NBAS: variants seen among roughly 807,000 people sequenced by gnomAD.
NBAS encodes NAG/BC035112 fusion.
NBAS carries 219 observed loss-of-function variants against 302.5 expected under a neutral mutation model. The observed-to-expected ratio is 0.72, with a 90% confidence interval of 0.65 to 0.81. The LOEUF (loss-of-function observed/expected upper bound fraction) is 0.81, where lower values mean the gene tolerates loss of function less well. NBAS is among the 30% of genes least tolerant of loss of function. The pLI, the probability that NBAS is intolerant of heterozygous loss-of-function variation, is 0.00. For missense variants in NBAS, 2,932 were observed against 2,841.6 expected (o/e 1.03, Z -0.72); for synonymous variants, 1,118 against 1,021.6 (o/e 1.09, Z -1.80).
At chr2:15,001,352 T>C in the NBAS span, among the ~76,000 whole-genome samples, 45,541 of 152,040 alleles carry the variant, frequency 0.3, 8,242 homozygotes, top group Non-Finnish European at 0.42. Context: ...ATTTTATATA[T>C]ATAACAAACA....
the NBAS span, among the ~76,000 whole-genome samples, chr2:14,935,852 C>T: frequency 1.3e-5 from 2 of 152,122 alleles, no homozygotes; most frequent in East Asian, 1.9e-4. Context: ...CTTATTTCCC[C>T]AAAACTAAAG....
the NBAS span, among the ~76,000 whole-genome samples, chr2:15,105,439 A>G: frequency 6.6e-6 from 1 of 152,090 alleles, no homozygotes; most frequent in Non-Finnish European, 1.5e-5. Flanking sequence ...TATTACGAAT[A>G]AAACCAGAAT....
intron 42 of NBAS, among the ~76,000 whole-genome samples, chr2:15,286,235 C>T (rs1338107782): frequency 6.6e-6 from 1 of 152,136 alleles, no homozygotes; most frequent in Non-Finnish European, 1.5e-5. Flanking sequence ...CTTGTCATGC[C>T]GTCTGTTACC....
chr2:15,424,870 A>G (rs1677391395), intron 22 of NBAS, among the ~76,000 whole-genome samples: 1 of 152,202 alleles, frequency 6.6e-6, no homozygotes, highest in Non-Finnish European at 1.5e-5. Flanking sequence ...AAATATCCCC[A>G]GTGATTCCAA....
rs565846397 is a variant in NBAS, at chr2:15,180,122, A to G, written c.6712-1006T>C. On this transcript the variant is annotated intron_variant, in intron 50 of 51. Coordinates refer to ENST00000281513, the MANE Select transcript of NBAS (RefSeq NM_015909.4). ...CGGAGAAGAAAAACTCAAATTTACT[A>G]TATTTTCAAAATTGCTTTACATTAT... 10 of 152,340 alleles carry G rather than the reference A, an allele frequency of 6.6e-5. No homozygotes were observed. The South Asian group carries it at 1.4e-3, about 22-fold the overall frequency. 9.4% of individuals were successfully genotyped at this position (152,340 alleles called of 1,614,324 possible).
At chr2:15,007,597 GC>G in the NBAS span, among the ~76,000 whole-genome samples, 1 of 152,026 alleles carries the variant, frequency 6.6e-6, no homozygotes, top group African/African-American at 2.4e-5. Context: ...CCTGTTAATA[GC>G]TTGAGCTCTA....
At chr2:14,928,549 C>T in the NBAS span, among the ~76,000 whole-genome samples, 1 of 151,938 alleles carries the variant, frequency 6.6e-6, no homozygotes, top group Non-Finnish European at 1.5e-5. Flanking sequence ...CATTTTAATA[C>T]AAATAATAAG....
chr2:14,849,588 A>G, the NBAS span, among the ~76,000 whole-genome samples: 2 of 148,804 alleles, frequency 1.3e-5, no homozygotes, highest in African/African-American at 5.2e-5. Flanking sequence ...AATGCCACAA[A>G]GATACTCCTC....
the NBAS span, among the ~76,000 whole-genome samples, chr2:14,949,708 A>G: frequency 6.6e-6 from 1 of 152,206 alleles, no homozygotes; most frequent in Non-Finnish European, 1.5e-5. Context: ...AATGTTATTC[A>G]TACATAAAAT....
At chr2:15,399,368 A>G (rs1179935311) in intron 26 of NBAS, among the ~76,000 whole-genome samples, 1 of 152,152 alleles carries the variant, frequency 6.6e-6, no homozygotes, top group African/African-American at 2.4e-5. Flanking sequence ...TCCAGGGAAA[A>G]GCAATTTGAC....
the NBAS span, among the ~76,000 whole-genome samples, chr2:14,884,544 T>A: frequency 5.3e-5 from 8 of 152,150 alleles, no homozygotes; most frequent in Admixed American, 5.2e-4. Flanking sequence ...CCTAAAGATG[T>A]GCACACAGAG....
chr2:15,238,741 T>G, intron 44 of NBAS, 55 bp from the exon 45 acceptor site: 2 of 1,483,824 alleles, frequency 1.3e-6, no homozygotes, highest in Non-Finnish European at 1.8e-6. Flanking sequence ...CTATTGCATA[T>G]TCAGCAAGTG....
intron 12 of NBAS, among the ~76,000 whole-genome samples, chr2:15,482,082 G>T (rs998911562): frequency 2.0e-5 from 3 of 152,078 alleles, no homozygotes; most frequent in African/African-American, 7.2e-5. Flanking sequence ...TTACAAGGCT[G>T]TCCATTCTTC....
the NBAS span, among the ~76,000 whole-genome samples, chr2:14,806,495 G>T: frequency 6.6e-6 from 1 of 152,046 alleles, no homozygotes; most frequent in African/African-American, 2.4e-5. Context: ...CACTTTAAAA[G>T]AGCGATTCCA....
intron 31 of NBAS, among the ~76,000 whole-genome samples, chr2:15,369,699 C>T (rs1342578065): frequency 6.6e-6 from 1 of 152,230 alleles, no homozygotes; most frequent in Admixed American, 6.5e-5. Context: ...AATGAATGAA[C>T]ATGAAAAAGA....
Position 15,287,114 on chromosome 2 carries a change from T to C in NBAS, c.5097A>G (p.Glu1699=). Residue 1699 remains glutamate, a synonymous_variant, in exon 42 of 52, where the codon GAA becomes GAG. Coordinates refer to ENST00000281513, the MANE Select transcript of NBAS (RefSeq NM_015909.4). ...GGAACTCCAAATGGGTCATAAAAACTTCCCAGCGGGAGACACTGTAACGTT... is the reference window on the plus strand; with the variant it reads ...GGAACTCCAAATGGGTCATAAAAACCTCCCAGCGGGAGACACTGTAACGTT... ...LAQRYSVSRW[E]VFMTHLEFLF... The C allele has an allele frequency of 1.2e-6, 2 of 1,614,038 alleles. No homozygotes were observed. The highest frequency in any genetic ancestry group is 1.7e-6 in the Non-Finnish European group (2 of 1,179,904).
At chr2:15,073,226 C>T in the NBAS span, among the ~76,000 whole-genome samples, 2 of 152,176 alleles carry the variant, frequency 1.3e-5, no homozygotes, top group African/African-American at 4.8e-5. Context: ...CACCTGTAAT[C>T]CCAACACTTT....
chr2:14,832,212 T>C, the NBAS span, among the ~76,000 whole-genome samples: 2 of 152,220 alleles, frequency 1.3e-5, no homozygotes, highest in Non-Finnish European at 2.9e-5. Context: ...GTCACCCATT[T>C]AGAACTTAAA....
intron 21 of NBAS, among the ~76,000 whole-genome samples, chr2:15,459,275 G>A (rs774686917): frequency 1.2e-4 from 19 of 152,076 alleles, no homozygotes; most frequent in African/African-American, 4.3e-4. Context: ...TAAAAAAACC[G>A]TTAAGAGACA....
Sources: gnomAD v4.1 joint callset for allele counts (sites outside exome capture counted in the v4.1 genomes callset) on GRCh38, gnomAD v4.1.1 for gene constraint, MANE v1.5 for transcripts, NCBI Gene and HGNC (gene_info 2026-07-23, HGNC 2026-07-21) for gene names.